The following PTPRD variants were observed in gnomAD, a reference collection of about 807,000 sequenced individuals.
PTPRD encodes receptor-type tyrosine-protein phosphatase delta.
In PTPRD, 34 loss-of-function variants were observed where a neutral mutation model predicts 214.5. The ratio of observed to expected loss-of-function variants is 0.16; its 90% confidence interval spans 0.12 to 0.21. The LOEUF is 0.21. Among genes scored for constraint, PTPRD ranks in the 10% least tolerant of loss-of-function variants. PTPRD has a pLI of 1.00. For synonymous variants in PTPRD, 1,128 were observed against 845.7 expected (o/e 1.33, Z -5.79); for missense variants, 2,545 against 2,398.7 (o/e 1.06, Z -1.27).
intron 14 of PTPRD, among the ~76,000 whole-genome samples, chr9:8,544,841 C>T (rs1027587041): frequency 1.3e-5 from 2 of 150,682 alleles, no homozygotes; most frequent in Admixed American, 6.6e-5. Context: ...TGATTTCTCA[C>T]AGACTTAATC....
intron 5 of PTPRD, among the ~76,000 whole-genome samples, chr9:9,826,168 T>C (rs2052758415): frequency 6.6e-6 from 1 of 151,766 alleles, no homozygotes; most frequent in Non-Finnish European, 1.5e-5. Flanking sequence ...TTTCTACACT[T>C]TTCTTTTTAC....
chr9:9,947,354 TTATA>T (rs1264614924), intron 4 of PTPRD, among the ~76,000 whole-genome samples: 2,797 of 56,016 alleles, frequency 0.05, 366 homozygotes, highest in African/African-American at 0.21. Context: ...ATAATATATA[TTATA>T]TATATTATAT....
chr9:9,600,309 G>A (rs1319947803), intron 7 of PTPRD, among the ~76,000 whole-genome samples: 1 of 152,070 alleles, frequency 6.6e-6, no homozygotes, highest in East Asian at 1.9e-4. Context: ...GTACACACCA[G>A]TATGTTTCTT....
chr9:9,682,710 G>A (rs1461979939), intron 7 of PTPRD, among the ~76,000 whole-genome samples: 1 of 151,660 alleles, frequency 6.6e-6, no homozygotes, highest in African/African-American at 2.4e-5. Flanking sequence ...TTGTCTGGAG[G>A]CCAACTATTC....
intron 12 of PTPRD, among the ~76,000 whole-genome samples, chr9:8,649,989 T>C (rs1202979414): frequency 6.6e-6 from 1 of 152,082 alleles, no homozygotes; most frequent in Non-Finnish European, 1.5e-5. Flanking sequence ...ATAATCATGG[T>C]TCACTGCAGC....
chr9:8,339,751 C>T (rs1303350246), intron 42 of PTPRD, among the ~76,000 whole-genome samples: 2 of 151,696 alleles, frequency 1.3e-5, no homozygotes, highest in African/African-American at 4.8e-5. Context: ...TAAGAGGTAT[C>T]TCTAAATAAT....
At chr9:9,288,093 T>A (rs1038883067) in intron 9 of PTPRD, among the ~76,000 whole-genome samples, 1 of 151,852 alleles carries the variant, frequency 6.6e-6, no homozygotes, top group Non-Finnish European at 1.5e-5. Flanking sequence ...TGAGCAAACA[T>A]GAGAAACAAA....
At chr9:10,576,866 C>T (rs1567024901) in intron 2 of PTPRD, among the ~76,000 whole-genome samples, 1 of 152,058 alleles carries the variant, frequency 6.6e-6, no homozygotes, top group Non-Finnish European at 1.5e-5. Flanking sequence ...AGGGTAGATG[C>T]CACCAAATGG....
intron 9 of PTPRD, among the ~76,000 whole-genome samples, chr9:9,241,654 C>T (rs575990033): frequency 1.3e-5 from 2 of 151,934 alleles, no homozygotes; most frequent in Non-Finnish European, 1.5e-5. Flanking sequence ...TTATCAGAGA[C>T]TAGGATTGCA....
At chr9:10,467,485 A>G (rs1383767902) in intron 2 of PTPRD, among the ~76,000 whole-genome samples, 7 of 152,326 alleles carry the variant, frequency 4.6e-5, no homozygotes, top group Middle Eastern at 3.4e-3. Flanking sequence ...CTCAAAATGA[A>G]TAACAGATTT....
intron 10 of PTPRD, among the ~76,000 whole-genome samples, chr9:9,032,293 C>A (rs560048866): frequency 6.6e-6 from 1 of 152,160 alleles, no homozygotes; most frequent in African/African-American, 2.4e-5. Flanking sequence ...CTCAAAACTG[C>A]AATTGCTTTT....
chr9:8,652,628 A>G (rs867045506), intron 12 of PTPRD, among the ~76,000 whole-genome samples: 12 of 152,354 alleles, frequency 7.9e-5, no homozygotes, highest in African/African-American at 2.6e-4. Flanking sequence ...AGCTAAAAAT[A>G]CTGTTATAAA....
chr9:9,823,961 C>A (rs2051743805), intron 5 of PTPRD, among the ~76,000 whole-genome samples: 1 of 151,770 alleles, frequency 6.6e-6, no homozygotes, highest in East Asian at 1.9e-4. Context: ...ATGTTTGTAT[C>A]AAAATATCAC....
intron 8 of PTPRD, among the ~76,000 whole-genome samples, chr9:9,434,134 A>C (rs757734488): frequency 6.6e-6 from 1 of 152,192 alleles, no homozygotes; most frequent in Non-Finnish European, 1.5e-5. Flanking sequence ...TACCTATTGT[A>C]ATATGAGTCC....
intron 9 of PTPRD, among the ~76,000 whole-genome samples, chr9:9,186,205 A>G (rs1037723639): frequency 2.6e-5 from 4 of 152,158 alleles, no homozygotes; most frequent in Non-Finnish European, 1.5e-5. Flanking sequence ...TGCATGGAAC[A>G]TGCTCAATCT....
At chr9:9,354,784 A>C (rs1292725052) in intron 9 of PTPRD, among the ~76,000 whole-genome samples, 1 of 151,772 alleles carries the variant, frequency 6.6e-6, no homozygotes, top group African/African-American at 2.4e-5. Flanking sequence ...GGTGCTTCTC[A>C]TTGAGAAACT....
At chr9:10,478,402 A>G (rs1017781324) in intron 2 of PTPRD, among the ~76,000 whole-genome samples, 2 of 152,126 alleles carry the variant, frequency 1.3e-5, no homozygotes, top group Non-Finnish European at 2.9e-5. Context: ...TGATACCTGT[A>G]CAAAGGAGAT....
intron 7 of PTPRD, among the ~76,000 whole-genome samples, chr9:9,578,121 C>T (rs1415680991): frequency 6.7e-6 from 1 of 150,040 alleles, no homozygotes; most frequent in Non-Finnish European, 1.5e-5. Context: ...GAGGAACAAC[C>T]ATTCAGAAAG....
At chr9:9,841,080 GT>G (rs1311304204) in intron 5 of PTPRD, among the ~76,000 whole-genome samples, 3 of 152,038 alleles carry the variant, frequency 2.0e-5, no homozygotes, top group Non-Finnish European at 4.4e-5. Flanking sequence ...ACAACAAAGT[GT>G]TTTTGTCTAT....
Sources: allele counts gnomAD v4.1 joint callset (sites outside exome capture counted in the v4.1 genomes callset), GRCh38; gene constraint gnomAD v4.1.1; transcripts MANE v1.5; gene names NCBI Gene and HGNC (gene_info 2026-07-23, HGNC 2026-07-21).